Variants in LIMS1 observed in about 807,000 individuals in gnomAD.
LIMS1 encodes the protein LIM and senescent cell antigen-like-containing domain protein 1.
LIMS1 carries 18 observed loss-of-function variants against 44.1 expected under a neutral mutation model. That is an observed-to-expected ratio of 0.41 (90% CI 0.28 to 0.61). LIMS1 has a LOEUF of 0.61. Among genes scored for constraint, LIMS1 ranks in the 20% least tolerant of loss-of-function variants. LIMS1 has a pLI of 0.32. For synonymous variants in LIMS1, 93 were observed against 149.1 expected (o/e 0.62, Z 2.74); for missense variants, 201 against 422.0 (o/e 0.48, Z 4.59).
chr2:108,658,884 C>A (rs1338102259), intron 1 of LIMS1, among the ~76,000 whole-genome samples: 4 of 152,298 alleles, frequency 2.6e-5, no homozygotes, highest in Non-Finnish European at 4.4e-5. Context: ...GAGCAGGGGA[C>A]CTGGATTTCT....
At chr2:108,546,384 G>T (rs1484052266) in intron 1 of LIMS1, among the ~76,000 whole-genome samples, 2 of 148,902 alleles carry the variant, frequency 1.3e-5, no homozygotes, top group Non-Finnish European at 3.0e-5. Context: ...TGGGCTTCAG[G>T]GTTCCTCCTG....
At chr2:108,680,083 G>C (rs1417854922) in intron 8 of LIMS1, among the ~76,000 whole-genome samples, 1 of 151,828 alleles carries the variant, frequency 6.6e-6, no homozygotes, top group Non-Finnish European at 1.5e-5. Flanking sequence ...AAATTAGACA[G>C]GTATAGGCCG....
In LIMS1 at chr2:108,599,916, A is replaced by G. The variant is rs1216265811; in HGVS notation, c.33-59689A>G. Among the ~76,000 whole-genome samples, 7 of 151,686 alleles carry G rather than the reference A, an allele frequency of 4.6e-5. No individual in the cohort carries two copies. In the Admixed American group the frequency reaches 4.6e-4, roughly 10 times the overall value. ...TACTATAGAGTTGTTTAAGCCCCTT[A>G]TATATTCTGGTTATTAACCCCTTGT... is the stretch of plus-strand genomic sequence containing the variant. On this transcript the variant is annotated intron_variant, in intron 1 of 9. Transcript: ENST00000544547.
chr2:108,631,696 G>A (rs1479555600), intron 1 of LIMS1, among the ~76,000 whole-genome samples: 1 of 152,086 alleles, frequency 6.6e-6, no homozygotes, highest in Non-Finnish European at 1.5e-5. Flanking sequence ...TTGTCACACA[G>A]ACTCCAGGCT....
intron 1 of LIMS1, among the ~76,000 whole-genome samples, chr2:108,639,293 G>GA (rs991404192): frequency 3.0e-4 from 45 of 151,340 alleles, no homozygotes; most frequent in African/African-American, 9.5e-4. Flanking sequence ...AAGTTCAGGA[G>GA]AAAAAAAAGG....
intron 1 of LIMS1, among the ~76,000 whole-genome samples, chr2:108,636,977 A>G (rs1253781594): frequency 6.6e-6 from 1 of 152,114 alleles, no homozygotes; most frequent in Non-Finnish European, 1.5e-5. Context: ...TTTTCATTGT[A>G]CTTATGGCAA....
intron 1 of LIMS1, chr2:108,588,216 G>C (rs1403241989): frequency 1.0e-5 from 4 of 390,966 alleles, no homozygotes; most frequent in African/African-American, 6.6e-5. Context: ...TATTGCTTCA[G>C]AACAGTGGGG....
chr2:108,597,245 A>G (rs1449097769), intron 1 of LIMS1, among the ~76,000 whole-genome samples: 2 of 151,850 alleles, frequency 1.3e-5, no homozygotes, highest in African/African-American at 4.8e-5. Context: ...TTATTCACAG[A>G]CCACTTTGAG....
At chr2:108,652,449 G>A (rs576610312) in intron 1 of LIMS1, among the ~76,000 whole-genome samples, 63 of 152,390 alleles carry the variant, frequency 4.1e-4, no homozygotes, top group Non-Finnish European at 3.4e-4. Flanking sequence ...TCACATGAAC[G>A]ATTCCATTTG....
chr2:108,639,491 C>T (rs971737646), intron 1 of LIMS1, among the ~76,000 whole-genome samples: 3 of 152,224 alleles, frequency 2.0e-5, no homozygotes, highest in East Asian at 3.8e-4. Context: ...CTCGCTCTAT[C>T]GCCCAGGCTG....
chr2:108,557,553 G>A (rs564038733), intron 1 of LIMS1, among the ~76,000 whole-genome samples: 1 of 150,758 alleles, frequency 6.6e-6, no homozygotes, highest in African/African-American at 2.4e-5. Context: ...GTCTTGCTCT[G>A]TTGCCCTGGC....
chr2:108,664,094 G>A (rs112971624), intron 2 of LIMS1, among the ~76,000 whole-genome samples: 1 of 152,112 alleles, frequency 6.6e-6, no homozygotes, highest in South Asian at 2.1e-4. Flanking sequence ...GTAGCAAGAT[G>A]TTTTACAAAG....
chr2:108,549,918 G>T (rs574450053), intron 1 of LIMS1, among the ~76,000 whole-genome samples: 1 of 152,132 alleles, frequency 6.6e-6, no homozygotes, highest in African/African-American at 2.4e-5. Context: ...ATCTAAGAAC[G>T]TGTGGAGAAA....
chr2:108,553,534 C>T (rs966550230), intron 1 of LIMS1, among the ~76,000 whole-genome samples: 1 of 152,158 alleles, frequency 6.6e-6, no homozygotes, highest in Admixed American at 6.6e-5. Context: ...GAGAACTATC[C>T]AGCTCTCTTT....
chr2:108,638,515 G>A (rs986217401), intron 1 of LIMS1, among the ~76,000 whole-genome samples: 1 of 152,098 alleles, frequency 6.6e-6, no homozygotes, highest in Non-Finnish European at 1.5e-5. Flanking sequence ...AGGCCAGGGC[G>A]AGCGGATCAC....
At chr2:108,626,503 T>G (rs1688584254) in intron 1 of LIMS1, among the ~76,000 whole-genome samples, 1 of 152,182 alleles carries the variant, frequency 6.6e-6, no homozygotes. Context: ...ATAACTGGTT[T>G]TACAGACCCC....
chr2:108,603,077 C>G (rs1301885822), intron 1 of LIMS1, among the ~76,000 whole-genome samples: 1 of 152,102 alleles, frequency 6.6e-6, no homozygotes. Context: ...ACGAGCCACT[C>G]GCCTGACCAG....
At chr2:108,593,929 C>T (rs1203635493) in intron 1 of LIMS1, among the ~76,000 whole-genome samples, 1 of 152,104 alleles carries the variant, frequency 6.6e-6, no homozygotes, top group African/African-American at 2.4e-5. Flanking sequence ...TCTGGTGAGA[C>T]CCTAGTGGTA....
rs57893352 is a variant in LIMS1, at chr2:108,663,118, T to C, written c.192+3354T>C. 5.1e-3 allele frequency among the ~76,000 whole-genome samples: 774 copies of C among 152,234 alleles called. 6 individuals are homozygous for C. The highest frequency in any genetic ancestry group is 0.018 in the African/African-American group (735 of 41,540). ...CTCAACTACAGTTTCTCTTTTTTTT[T>C]CTTTCTTTTCTTTTTCTTAAGACAG... On this transcript the variant is annotated intron_variant, in intron 2 of 9. Coordinates refer to ENST00000544547, the Ensembl canonical transcript of LIMS1.
Sources: gnomAD v4.1 joint callset for allele counts (sites outside exome capture counted in the v4.1 genomes callset) on GRCh38, gnomAD v4.1.1 for gene constraint, MANE v1.5 for transcripts, NCBI Gene and HGNC (gene_info 2026-07-23, HGNC 2026-07-21) for gene names.